The following ATP11A variants were observed in gnomAD, a reference collection of about 807,000 sequenced individuals.
The protein encoded by ATP11A is phospholipid-transporting ATPase IH.
Under a neutral mutation model 154.4 loss-of-function variants are expected in ATP11A, and 81 were observed. That is an observed-to-expected ratio of 0.52 (90% CI 0.44 to 0.63). The LOEUF is 0.63. Ranked by LOEUF, ATP11A falls within the 30% of genes least tolerant of loss-of-function variation. The pLI is 0.00. For synonymous variants in ATP11A, 623 were observed against 585.9 expected, an observed-to-expected ratio of 1.06 and a Z score of -0.91; for missense variants, 1,316 against 1,474.3, an observed-to-expected ratio of 0.89 and a Z score of 1.76.
At chr13:112,721,520 CAG>C (rs1200319876) in intron 1 of ATP11A, among the ~76,000 whole-genome samples, 1 of 152,206 alleles carries the variant, frequency 6.6e-6, no homozygotes, top group Non-Finnish European at 1.5e-5. Context: ...GCTGAAGACA[CAG>C]AAACAGCTTC....
intron 16 of ATP11A, among the ~76,000 whole-genome samples, chr13:112,837,765 T>C (rs1201497938): frequency 6.6e-6 from 1 of 152,094 alleles, no homozygotes; most frequent in Non-Finnish European, 1.5e-5. Flanking sequence ...AGCAGGGCCA[T>C]CATCAGTGCC....
At chr13:112,733,608 C>T (rs529263556) in intron 1 of ATP11A, among the ~76,000 whole-genome samples, 25 of 152,308 alleles carry the variant, frequency 1.6e-4, no homozygotes, top group African/African-American at 4.8e-4. Flanking sequence ...CCAGAACCTT[C>T]GAGGTAGGCC....
chr13:112,850,346 A>G (rs1429435754), intron 17 of ATP11A, among the ~76,000 whole-genome samples: 1 of 152,242 alleles, frequency 6.6e-6, no homozygotes, highest in African/African-American at 2.4e-5. Flanking sequence ...GGTCGCGCTC[A>G]GCAGCCTTGA....
chr13:112,840,932 A>G (rs2079396483), intron 16 of ATP11A, among the ~76,000 whole-genome samples: 1 of 152,128 alleles, frequency 6.6e-6, no homozygotes, highest in Non-Finnish European at 1.5e-5. Flanking sequence ...GGTCCCCAGT[A>G]GACTTCCCGA....
intron 1 of ATP11A, among the ~76,000 whole-genome samples, chr13:112,698,169 T>C (rs1270486890): frequency 6.6e-6 from 1 of 152,134 alleles, no homozygotes. Flanking sequence ...TTCCCCACTT[T>C]TTTGGAAGTC....
intron 1 of ATP11A, among the ~76,000 whole-genome samples, chr13:112,733,090 G>T (rs1013910408): frequency 7.9e-5 from 12 of 152,244 alleles, no homozygotes; most frequent in African/African-American, 2.9e-4. Flanking sequence ...GTTAAATTGG[G>T]CATTAGAAGC....
intron 2 of ATP11A, among the ~76,000 whole-genome samples, chr13:112,801,697 C>G (rs2078137809): frequency 1.3e-5 from 2 of 152,286 alleles, no homozygotes; most frequent in South Asian, 4.1e-4. Context: ...ACCCCCCCAC[C>G]CACCAAATTA....
Position 112,698,808 on chromosome 13 carries a change from A to G in ATP11A, c.39+8353A>G, listed in dbSNP as rs1343203570. Among the ~76,000 whole-genome samples the G allele has an allele frequency of 5.9e-5, 9 of 152,030 alleles. 1 individual carries two copies. Among genetic ancestry groups the G allele is most frequent in the African/African-American group, 2.2e-4 (9 of 41,382 alleles). ...GCTATTTCGGCTCAGTGCAACCTCT[A>G]CCTCTTGGGTTCAAGTGATTCTCAT... On this transcript the variant is annotated intron_variant, in intron 1 of 29. Transcript: ENST00000375645.
chr13:112,802,918 G>T (rs2078177283), intron 2 of ATP11A, among the ~76,000 whole-genome samples: 1 of 152,206 alleles, frequency 6.6e-6, no homozygotes, highest in Non-Finnish European at 1.5e-5. Context: ...AGGGTGTTTG[G>T]ATGGGTAGGG....
At chr13:112,741,202 A>T (rs549183198) in intron 1 of ATP11A, among the ~76,000 whole-genome samples, 2 of 151,270 alleles carry the variant, frequency 1.3e-5, no homozygotes, top group South Asian at 4.2e-4. Flanking sequence ...GGGACTGGGG[A>T]GGTGAGGGAC....
chr13:112,881,312 G>A, intron 29 of ATP11A: 1 of 1,003,048 alleles, frequency 1.0e-6, no homozygotes, highest in Non-Finnish European at 1.2e-6. Context: ...TCCGTATGGT[G>A]ACATCCTAGG....
At chr13:112,878,607 T>A in intron 29 of ATP11A, 1 of 486,462 alleles carries the variant, frequency 2.1e-6, no homozygotes, top group South Asian at 2.5e-5. Context: ...ACATGACCCC[T>A]CACACAGGTG....
In ATP11A at chr13:112,824,629, G is replaced by A. The variant is rs114368945; in HGVS notation, c.872+204G>A. Reference sequence around the variant, plus strand: ...ACCCCTCCTTCCTGCTCTTTCTAACGCCTGATACCAGGTTCACAGCGCTGC... The same window carrying A: ...ACCCCTCCTTCCTGCTCTTTCTAACACCTGATACCAGGTTCACAGCGCTGC... On this transcript the variant is annotated intron_variant, in intron 10 of 29. Transcript: ENST00000375645. 2.2e-3 allele frequency among the ~76,000 whole-genome samples: 335 copies of A among 152,224 alleles called. 2 individuals carry two copies. The highest frequency in any genetic ancestry group is 7.2e-3 in the African/African-American group (300 of 41,534).
chr13:112,836,397 A>T (rs1392664755), intron 16 of ATP11A, 146 bp downstream of exon 16: 7 of 521,500 alleles, frequency 1.3e-5, no homozygotes, highest in Non-Finnish European at 1.3e-5. Flanking sequence ...ATCCTCTCAA[A>T]ATACTAATTT....
At chr13:112,757,293 A>T (rs1745613384) in intron 1 of ATP11A, among the ~76,000 whole-genome samples, 1 of 152,248 alleles carries the variant, frequency 6.6e-6, no homozygotes, top group African/African-American at 2.4e-5. Context: ...GTGAACAAAC[A>T]TAGGAAGCTT....
chr13:112,752,887 G>A (rs1324370600), intron 1 of ATP11A, among the ~76,000 whole-genome samples: 1 of 152,202 alleles, frequency 6.6e-6, no homozygotes, highest in African/African-American at 2.4e-5. Context: ...GCTTCCGCCT[G>A]GCCTCCAGCA....
chr13:112,801,561 CA>C (rs1157554081), intron 2 of ATP11A, among the ~76,000 whole-genome samples: 1 of 152,134 alleles, frequency 6.6e-6, no homozygotes, highest in Non-Finnish European at 1.5e-5. Context: ...CCAACAATAA[CA>C]AAAAAACTTC....
chr13:112,813,055 T>TCTTA (rs1679582193), intron 5 of ATP11A, among the ~76,000 whole-genome samples: 1 of 152,190 alleles, frequency 6.6e-6, no homozygotes. Context: ...ATCCTGTGTG[T>TCTTA]CGTAACCAAG....
intron 1 of ATP11A, among the ~76,000 whole-genome samples, chr13:112,716,289 T>C (rs1391212007): frequency 6.6e-6 from 1 of 152,224 alleles, no homozygotes; most frequent in Non-Finnish European, 1.5e-5. Context: ...CATCTCTCTC[T>C]GCCCCTCCTG....
Sources: allele counts gnomAD v4.1 joint callset (sites outside exome capture counted in the v4.1 genomes callset), GRCh38; gene constraint gnomAD v4.1.1; transcripts MANE v1.5; gene names NCBI Gene and HGNC (gene_info 2026-07-23, HGNC 2026-07-21).